Variants in DPP10 observed in about 807,000 individuals in gnomAD.
DPP10 encodes dipeptidyl peptidase like 10, also known as inactive dipeptidyl peptidase 10.
Under a neutral mutation model 120.9 loss-of-function variants are expected in DPP10, and 33 were observed. The observed-to-expected ratio is 0.27, with a 90% CI of 0.21 to 0.37. The LOEUF (loss-of-function observed/expected upper bound fraction) is 0.37, where lower values mean the gene tolerates loss of function less well. DPP10 is among the 10% of genes least tolerant of loss of function. The pLI is 1.00. For synonymous variants in DPP10, 337 were observed against 326.1 expected, an observed-to-expected ratio of 1.03 and a Z score of -0.36; for missense variants, 816 against 942.8, an observed-to-expected ratio of 0.87 and a Z score of 1.76.
intron 2 of DPP10, 77 bp downstream of exon 2, chr2:115,309,430 T>C (rs2061492391): frequency 2.1e-6 from 3 of 1,396,266 alleles, no homozygotes; most frequent in South Asian, 1.2e-5. Context: ...CTTAAGAGGG[T>C]AGCAATATGT....
intron 3 of DPP10, among the ~76,000 whole-genome samples, chr2:115,390,159 C>T (rs1040867125): frequency 5.9e-5 from 9 of 152,284 alleles, no homozygotes; most frequent in African/African-American, 2.2e-4. Flanking sequence ...TTTGTTGTAA[C>T]TTGAATGAAG....
chr2:114,470,107 T>C (rs1028344106), intron 1 of DPP10, among the ~76,000 whole-genome samples: 1 of 152,194 alleles, frequency 6.6e-6, no homozygotes, highest in East Asian at 1.9e-4. Flanking sequence ...TCTTCCTGGG[T>C]TAAGTGGTTA....
intron 1 of DPP10, among the ~76,000 whole-genome samples, chr2:114,614,146 A>C (rs1381866763): frequency 6.6e-6 from 1 of 152,190 alleles, no homozygotes; most frequent in African/African-American, 2.4e-5. Context: ...AAAATAAAAT[A>C]AACCCAAGCT....
chr2:114,891,467 A>T lies in DPP10; in HGVS notation c.61-417772A>T, dbSNP rs145400690. On this transcript the variant is annotated intron_variant, in intron 1 of 25. Transcript: ENST00000410059. ...GTAAAAAATGTTAAACACCAGATAA[A>T]TGGAAAGGTTTGTGATTAAAAATTA... 1.2e-3 allele frequency among the ~76,000 whole-genome samples: 186 copies of T among 152,298 alleles called. 1 individual carries two copies. Among genetic ancestry groups the T allele is most frequent in the African/African-American group, 4.3e-3 (178 of 41,570 alleles).
At chr2:115,568,429 G>A (rs2081143993) in intron 5 of DPP10, among the ~76,000 whole-genome samples, 1 of 152,082 alleles carries the variant, frequency 6.6e-6, no homozygotes, top group Admixed American at 6.6e-5. Flanking sequence ...CTTGCAGTGA[G>A]CCAAGATTGC....
intron 4 of DPP10, among the ~76,000 whole-genome samples, chr2:115,513,193 A>T (rs965691041): frequency 6.6e-6 from 1 of 151,796 alleles, no homozygotes; most frequent in African/African-American, 2.4e-5. Context: ...TGTTAGTGAA[A>T]CCATTCTATC....
chr2:115,753,178 T>C lies in DPP10; in HGVS notation c.955T>C (p.Tyr319His). 6.2e-7 allele frequency: 1 copy of C among 1,609,676 alleles called. No individual in the cohort carries two copies. Among genetic ancestry groups the C allele is most frequent in the Non-Finnish European group, 8.5e-7 (1 of 1,177,302 alleles). The change falls in exon 11 of 26, where the codon TAC becomes CAC. Residue 319 changes from tyrosine to histidine, a missense_variant. Physicochemically the swap from Tyr to His is moderately conservative, Grantham distance 83. Transcript: ENST00000410059. ...MPPDSFKSRE[Y>H]YITMVKWVSN... ...TTAATTTTGTTTCCAAACTAGAGAA[T>C]ACTATATCACTATGGTTAAATGGGT...
Position 115,216,245 on chromosome 2 carries a change from C to T in DPP10, c.61-92994C>T, listed in dbSNP as rs545729605. ...ATGGTTACACTAAAAGCCCAGGCTTCCCCACTACACGATGTAACCCGGTAA... is the reference window on the plus strand; with the variant it reads ...ATGGTTACACTAAAAGCCCAGGCTTTCCCACTACACGATGTAACCCGGTAA... On this transcript the variant is annotated intron_variant, in intron 1 of 25. Transcript: ENST00000410059. Among the ~76,000 whole-genome samples the T allele has an allele frequency of 5.9e-5, 9 of 152,190 alleles. No individual in the cohort carries two copies. In the South Asian group the frequency reaches 1.9e-3, roughly 32 times the overall value.
chr2:115,359,938 A>G (rs1285150803), intron 3 of DPP10, among the ~76,000 whole-genome samples: 1 of 152,060 alleles, frequency 6.6e-6, no homozygotes, highest in Admixed American at 6.6e-5. Flanking sequence ...TAATTTCTCT[A>G]GTAAGTTTCT....
intron 3 of DPP10, among the ~76,000 whole-genome samples, chr2:115,373,256 A>G (rs1240393756): frequency 6.6e-6 from 1 of 152,198 alleles, no homozygotes; most frequent in Non-Finnish European, 1.5e-5. Context: ...ATTCCAATGC[A>G]ATAGAAAATC....
chr2:114,597,536 A>G (rs1447391248), intron 1 of DPP10, among the ~76,000 whole-genome samples: 1 of 152,036 alleles, frequency 6.6e-6, no homozygotes, highest in Non-Finnish European at 1.5e-5. Flanking sequence ...ATTAGACATT[A>G]GAAATGAAGG....
intron 1 of DPP10, among the ~76,000 whole-genome samples, chr2:114,869,324 T>C (rs1690495283): frequency 1.3e-5 from 2 of 152,168 alleles, no homozygotes; most frequent in East Asian, 3.9e-4. Flanking sequence ...TTGCGCACTG[T>C]TTGTTGTTTA....
At chr2:115,205,051 C>G (rs899493476) in intron 1 of DPP10, among the ~76,000 whole-genome samples, 8 of 152,004 alleles carry the variant, frequency 5.3e-5, no homozygotes, top group African/African-American at 1.9e-4. Flanking sequence ...TGTCTGTTTA[C>G]TTTGTATATA....
intron 1 of DPP10, among the ~76,000 whole-genome samples, chr2:114,754,391 A>G (rs1679539990): frequency 6.6e-6 from 1 of 152,214 alleles, no homozygotes; most frequent in Non-Finnish European, 1.5e-5. Flanking sequence ...CATTGAGAGC[A>G]TAACTAGTAG....
intron 1 of DPP10, among the ~76,000 whole-genome samples, chr2:114,493,156 C>T (rs1331698559): frequency 1.3e-5 from 2 of 152,154 alleles, no homozygotes; most frequent in African/African-American, 2.4e-5. Context: ...CAGGAATGCA[C>T]AGTGGCAGCA....
intron 1 of DPP10, among the ~76,000 whole-genome samples, chr2:114,571,744 T>C (rs181029895): frequency 7.9e-5 from 12 of 151,864 alleles, no homozygotes; most frequent in Non-Finnish European, 1.5e-4. Context: ...GAATGAACTC[T>C]CTGTCACTCA....
At chr2:115,805,710 G>T (rs1685874393) in intron 19 of DPP10, among the ~76,000 whole-genome samples, 2 of 151,822 alleles carry the variant, frequency 1.3e-5, no homozygotes, top group African/African-American at 2.4e-5. Context: ...GAGTAGCTAG[G>T]ATTACAGGTG....
chr2:114,554,999 G>GCCTC (rs1397026016), intron 1 of DPP10, among the ~76,000 whole-genome samples: 1 of 152,158 alleles, frequency 6.6e-6, no homozygotes, highest in Admixed American at 6.5e-5. Flanking sequence ...CAAACATAAT[G>GCCTC]GACCTGGGCA....
intron 3 of DPP10, among the ~76,000 whole-genome samples, chr2:115,389,076 C>A (rs2067149252): frequency 6.6e-6 from 1 of 152,286 alleles, no homozygotes; most frequent in East Asian, 1.9e-4. Flanking sequence ...TTGAACTATT[C>A]TTTTCTCCTT....
Sources: gnomAD v4.1 joint callset for allele counts (sites outside exome capture counted in the v4.1 genomes callset) on GRCh38, gnomAD v4.1.1 for gene constraint, MANE v1.5 for transcripts, NCBI Gene and HGNC (gene_info 2026-07-23, HGNC 2026-07-21) for gene names.